CARS1: variants seen among roughly 807,000 people sequenced by gnomAD.
CARS1 encodes the protein cysteinyl-tRNA synthetase 1.
A neutral mutation model predicts 106.2 loss-of-function variants in CARS1; 48 were observed. That is an observed-to-expected ratio of 0.45 (90% CI 0.36 to 0.57). CARS1 has a LOEUF of 0.57. Ranked by LOEUF, CARS1 falls within the 20% of genes least tolerant of loss-of-function variation. The pLI is 0.00. For synonymous variants in CARS1, 409 were observed against 403.4 expected (o/e 1.01, Z -0.17); for missense variants, 968 against 1,057.2 (o/e 0.92, Z 1.17).
chr11:3,011,421 C>T (rs1014517779), intron 18 of CARS1, among the ~76,000 whole-genome samples: 14 of 146,446 alleles, frequency 9.6e-5, no homozygotes, highest in Admixed American at 2.8e-4. Flanking sequence ...CTGGCCAACA[C>T]GGTGAAACCC....
Position 3,003,495 on chromosome 11 carries a change from C to T in CARS1, c.2218-895G>A, listed in dbSNP as rs1849584879. 1.3e-5 allele frequency among the ~76,000 whole-genome samples: 2 copies of T among 152,092 alleles called. No individual in the cohort carries two copies. The highest frequency in any genetic ancestry group is 2.1e-4 in the South Asian group (1 of 4,822). On this transcript the variant is annotated intron_variant, in intron 20 of 22. Coordinates refer to ENST00000380525, the MANE Select transcript of CARS1 (RefSeq NM_001014437.3). This position sits in a 1 kb window ranked among gnomAD's most constrained non-coding sequence, Gnocchi z 4.8. ...GCTGGGCAAACTGTTTTTGGGCCAC[C>T]GGCTACAAGATAGATGGTGGAGAAG...
At chr11:3,016,202 T>C (rs192520864) in intron 16 of CARS1, among the ~76,000 whole-genome samples, 8 of 149,938 alleles carry the variant, frequency 5.3e-5, no homozygotes, top group Admixed American at 5.3e-4. Flanking sequence ...AGAGGAGGCC[T>C]TGTCCCTGGT....
At chr11:3,013,616 C>A (rs547597853) in intron 17 of CARS1, among the ~76,000 whole-genome samples, 1 of 151,906 alleles carries the variant, frequency 6.6e-6, no homozygotes, top group East Asian at 2.0e-4. Context: ...TTTGGGAGGG[C>A]GAAGTGGGTG....
Position 3,037,641 on chromosome 11 carries a change from C to T in CARS1, c.801+409G>A, listed in dbSNP as rs1480670206. Reference sequence around the variant, plus strand: ...GTGAAGGCCCCAAGCTCAGTAGGTACCCACAGGCCTCAATGCTCAATTCAA... The same window carrying T: ...GTGAAGGCCCCAAGCTCAGTAGGTATCCACAGGCCTCAATGCTCAATTCAA... On this transcript the variant is annotated intron_variant, in intron 7 of 22. Transcript: ENST00000380525. This position sits in a 1 kb window ranked among gnomAD's most constrained non-coding sequence, Gnocchi z 5.9. Among the ~76,000 whole-genome samples, 1 of 152,184 alleles carries T rather than the reference C, an allele frequency of 6.6e-6. No homozygotes were observed. The highest frequency in any genetic ancestry group is 1.5e-5 in the Non-Finnish European group (1 of 68,038).
Position 3,019,099 on chromosome 11 carries a change from G to C in CARS1, c.1395+40C>G, listed in dbSNP as rs201160628. ...TTTCCTCCACTGCAGTATGAACACTGTGCTCTTGCACCTGACAAGGGGACT... is the reference window on the plus strand; with the variant it reads ...TTTCCTCCACTGCAGTATGAACACTCTGCTCTTGCACCTGACAAGGGGACT... On this transcript the variant is annotated intron_variant, in intron 12 of 22. Coordinates refer to ENST00000380525, the MANE Select transcript of CARS1 (RefSeq NM_001014437.3). The surrounding 1 kb of genome is among the most constrained non-coding windows in gnomAD (Gnocchi z 6.2). 88 of 1,495,398 alleles carry C rather than the reference G, an allele frequency of 5.9e-5. No homozygotes were observed. The highest frequency in any genetic ancestry group is 1.8e-5 in the Non-Finnish European group (20 of 1,124,296). The allele number at this position is 1,495,398 out of a possible 1,614,324, so 92.6% of individuals were successfully genotyped here. A position where few individuals can be genotyped will look rare whatever the true frequency, so the allele number is the denominator to read the frequency against.
chr11:3,012,074 G>A (rs1281868439), intron 18 of CARS1, 121 bp downstream of exon 18: 38 of 890,758 alleles, frequency 4.3e-5, no homozygotes, highest in East Asian at 2.2e-4. Flanking sequence ...TGTGGTGCAC[G>A]GGGCAGCCTT....
At chr11:3,024,538 C>T (rs1851870238) in intron 10 of CARS1, among the ~76,000 whole-genome samples, 1 of 152,212 alleles carries the variant, frequency 6.6e-6, no homozygotes, top group Non-Finnish European at 1.5e-5. Context: ...GCCTTGACTT[C>T]TTGGGCTGAA....
intron 7 of CARS1, among the ~76,000 whole-genome samples, chr11:3,035,813 T>A (rs57749643): frequency 0.057 from 8,686 of 152,224 alleles, 844 homozygotes; most frequent in African/African-American, 0.2. Flanking sequence ...ATGGCTACTA[T>A]GAAGATAAAA....
At position 3,019,724 on chromosome 11, in the gene CARS1, C is replaced by T. The variant is rs1448739618; in HGVS notation, c.1267-457G>A. Among the ~76,000 whole-genome samples the T allele has an allele frequency of 1.3e-5, 2 of 151,184 alleles. No individual in the cohort carries two copies. The highest frequency in any genetic ancestry group is 2.4e-5 in the African/African-American group (1 of 41,108). On this transcript the variant is annotated intron_variant, in intron 11 of 22. Transcript: ENST00000380525. This position sits in a 1 kb window ranked among gnomAD's most constrained non-coding sequence, Gnocchi z 6.2. ...CTCTGTCTCAAAAAAAAAAAAAAGA[C>T]TAAGGATAGCCTTCTTTGGTGAAGT... is the stretch of plus-strand genomic sequence containing the variant.
rs947348341 is a variant in CARS1 at position 3,028,986 on chromosome 11, T to C, written c.1031+10A>G. On this transcript the variant is annotated intron_variant, in intron 9 of 22. Transcript: ENST00000380525. The surrounding 1 kb of genome is among the most constrained non-coding windows in gnomAD (Gnocchi z 4.4). The stretch of plus-strand genomic sequence containing the variant: ...GCCCTTCCCTCCCTAGGGAAGGCCC[T>C]TGTGCTTACCCGTAACCGTTGTCCA... 1.2e-6 allele frequency: 2 copies of C among 1,606,100 alleles called. No individual in the cohort carries two copies. The highest frequency in any genetic ancestry group is 1.3e-5 in the African/African-American group (1 of 74,876).
rs549063006 is a variant in CARS1, at chr11:3,025,642, C to T, written c.1153+1034G>A. On this transcript the variant is annotated intron_variant, in intron 10 of 22. Transcript: ENST00000380525. ...GGACAGGCGGGGTGGGGGTGCAGAA[C>T]GTGCCCTGGCACATTGCGGGAATCC... is the stretch of plus-strand genomic sequence containing the variant. Among the ~76,000 whole-genome samples, 9 of 152,336 alleles carry T rather than the reference C, an allele frequency of 5.9e-5. No homozygotes were observed. In the South Asian group the frequency reaches 1.0e-3, roughly 18 times the overall value.
Position 3,037,133 on chromosome 11 carries a change from C to G in CARS1, c.801+917G>C, listed in dbSNP as rs1032894611. ...AAACAGCTCGGCTCCCAGGCAGGCACTGAGGCAGTGACAGTGACCACATGT... is the reference window on the plus strand; with the variant it reads ...AAACAGCTCGGCTCCCAGGCAGGCAGTGAGGCAGTGACAGTGACCACATGT... On this transcript the variant is annotated intron_variant, in intron 7 of 22. Coordinates refer to ENST00000380525, the MANE Select transcript of CARS1 (RefSeq NM_001014437.3). The surrounding 1 kb of genome is among the most constrained non-coding windows in gnomAD (Gnocchi z 5.9). 2.0e-5 allele frequency among the ~76,000 whole-genome samples: 3 copies of G among 152,222 alleles called. No homozygotes were observed. The highest frequency in any genetic ancestry group is 4.4e-5 in the Non-Finnish European group (3 of 68,026).
At position 3,040,063 on chromosome 11, in the gene CARS1, C is replaced by G; in HGVS notation, c.456-132G>C. On this transcript the variant is annotated intron_variant, in intron 4 of 22. Transcript: ENST00000380525. This position sits in a 1 kb window ranked among gnomAD's most constrained non-coding sequence, Gnocchi z 5.8. ...TGCCATCCCTGAAACAGCAAGACCC[C>G]CCCTTCTCCTCCTCAGTCTACTCAA... The G allele has an allele frequency of 1.8e-6, 1 of 563,182 alleles. No individual in the cohort carries two copies. Among genetic ancestry groups the G allele is most frequent in the Non-Finnish European group, 3.1e-6 (1 of 322,450 alleles). 34.9% of individuals were successfully genotyped at this position (563,182 alleles called of 1,614,324 possible).
chr11:3,006,175 A>G (rs1849844589), intron 19 of CARS1, among the ~76,000 whole-genome samples: 1 of 152,184 alleles, frequency 6.6e-6, no homozygotes, highest in Non-Finnish European at 1.5e-5. Context: ...AACTGAAACT[A>G]AGGCTGGGCA....
In CARS1 at chr11:3,017,747, A is replaced by G. The variant is rs1851186409; in HGVS notation, c.1727+110T>C. 1 of 727,854 alleles carries G rather than the reference A, an allele frequency of 1.4e-6. No homozygotes were observed. Among genetic ancestry groups the G allele is most frequent in the Non-Finnish European group, 2.4e-6 (1 of 413,144 alleles). 45.1% of individuals were successfully genotyped at this position (727,854 alleles called of 1,614,324 possible). The stretch of plus-strand genomic sequence containing the variant: ...GAATTAATTCTGCACAACGTACGAC[A>G]GTGTCCCCAGCCCTTCCTCGACAGT... On this transcript the variant is annotated intron_variant, in intron 15 of 22. Transcript: ENST00000380525. This position sits in a 1 kb window ranked among gnomAD's most constrained non-coding sequence, Gnocchi z 4.9.
At chr11:3,013,797 G>A (rs538604766) in intron 17 of CARS1, among the ~76,000 whole-genome samples, 2 of 152,306 alleles carry the variant, frequency 1.3e-5, no homozygotes, top group African/African-American at 4.8e-5. Flanking sequence ...AGGGTGCAGT[G>A]ACCGGAGATT....
rs1565087800 is a variant in CARS1, at chr11:3,038,050, C to T, written c.801G>A (p.Glu267=). 1.2e-5 allele frequency: 19 copies of T among 1,612,058 alleles called. No individual in the cohort carries two copies. Among genetic ancestry groups the T allele is most frequent in the Non-Finnish European group, 1.5e-5 (18 of 1,178,362 alleles). The change falls in exon 7 of 23, where the codon GAG becomes GAA. Residue 267 remains glutamate, a splice_region_variant and synonymous_variant. Transcript: ENST00000380525. This position sits in a 1 kb window ranked among gnomAD's most constrained non-coding sequence, Gnocchi z 4.0. ...GTCTGGGAGATGTGTGAAGCCTCAC[C>T]TCCACACAGCTGTTGACTTCCTCTC... ...LTGEEVNSCV[E]VLLEEAKDLL...
chr11:3,017,782 A>G lies in CARS1; in HGVS notation c.1727+75T>C. On this transcript the variant is annotated intron_variant, in intron 15 of 22. Transcript: ENST00000380525. The surrounding 1 kb of genome is among the most constrained non-coding windows in gnomAD (Gnocchi z 4.9). ...GCCCTTCCTCGACAGTCCAGGACAC[A>G]TGGTGGCCAAGATGCGAGGCTAGGC... is the stretch of plus-strand genomic sequence containing the variant. 2 of 968,236 alleles carry G rather than the reference A, an allele frequency of 2.1e-6. No individual in the cohort carries two copies. Among genetic ancestry groups the G allele is most frequent in the South Asian group, 1.3e-5 (1 of 75,588 alleles). The allele number at this position is 968,236 out of a possible 1,614,324, so 60.0% of individuals were successfully genotyped here.
rs539556070 is a variant in CARS1, at chr11:3,027,758, C to T, written c.1032-961G>A. 16 of 447,940 alleles carry T rather than the reference C, an allele frequency of 3.6e-5. 1 individual carries two copies. The highest frequency in any genetic ancestry group is 1.8e-4 in the African/African-American group (9 of 50,078). 27.7% of individuals were successfully genotyped at this position (447,940 alleles called of 1,614,324 possible). A position where few individuals can be genotyped will look rare whatever the true frequency, so the allele number is the denominator to read the frequency against. On this transcript the variant is annotated intron_variant, in intron 9 of 22. Transcript: ENST00000380525. Reference sequence around the variant, plus strand: ...CCGGACACGGCCACCAGAAGGGTTCCTTGGTCTAGTGGTAACGCCAGCGTC... The same window carrying T: ...CCGGACACGGCCACCAGAAGGGTTCTTTGGTCTAGTGGTAACGCCAGCGTC...
Sources: allele counts gnomAD v4.1 joint callset (sites outside exome capture counted in the v4.1 genomes callset), GRCh38; gene constraint gnomAD v4.1.1; non-coding constraint Gnocchi (gnomAD v3.1); transcripts MANE v1.5; gene names NCBI Gene and HGNC (gene_info 2026-07-23, HGNC 2026-07-21).